Variants in FBXL3 observed in about 807,000 individuals in gnomAD.
The protein encoded by FBXL3 is F-box and leucine rich repeat protein 3, also known as F-box/LRR-repeat protein 3.
FBXL3 carries 14 observed loss-of-function variants against 37.9 expected under a neutral mutation model. The observed-to-expected ratio is 0.37, with a 90% CI of 0.24 to 0.58. The LOEUF (loss-of-function observed/expected upper bound fraction) is 0.58. Ranked by LOEUF, FBXL3 falls within the 20% of genes least tolerant of loss-of-function variation. FBXL3 has a pLI of 0.74. For missense variants in FBXL3, 327 were observed against 511.1 expected (o/e 0.64, Z 3.47); for synonymous variants, 194 against 180.1 (o/e 1.08, Z -0.62).
chr13:77,023,117 G>A (rs2154037888), intron 1 of FBXL3, among the ~76,000 whole-genome samples: 1 of 152,302 alleles, frequency 6.6e-6, no homozygotes, highest in Middle Eastern at 3.4e-3. Context: ...CCAGAAGGCA[G>A]AGAATGATTC....
At chr13:77,013,698 G>A (rs760175340) in intron 4 of FBXL3, 6 of 152,228 alleles carry the variant, frequency 3.9e-5, no homozygotes, top group Non-Finnish European at 7.3e-5. Flanking sequence ...CCAAATGCTC[G>A]GGAAGACTGA....
chr13:77,021,715 T>G lies in FBXL3; in HGVS notation c.146A>C (p.Lys49Thr), dbSNP rs770501959. ...LLQDIILQVF[K>T]YLPLLDRAHA... is the part of the protein sequence containing the mutation. ...AGCCCGGTCAAGAAGAGGCAAATAT[T>G]TAAATACTTGGAGAATAATGTCCTG... The change falls in exon 2 of 5, where the codon AAA becomes ACA. Residue 49 changes from lysine (K) to threonine (T), a missense_variant. By Grantham distance (78) the Lys-to-Thr change is moderately conservative. Coordinates refer to ENST00000355619, the MANE Select transcript of FBXL3 (RefSeq NM_012158.4). 1.2e-6 allele frequency: 2 copies of G among 1,613,994 alleles called. No homozygotes were observed. The highest frequency in any genetic ancestry group is 4.5e-5 in the East Asian group (2 of 44,880).
intron 1 of FBXL3, among the ~76,000 whole-genome samples, chr13:77,023,585 A>G (rs993742036): frequency 6.6e-6 from 1 of 152,200 alleles, no homozygotes; most frequent in African/African-American, 2.4e-5. Flanking sequence ...AGCAGGCTCT[A>G]AACTAAATGG....
chr13:77,018,855 T>C (rs1340702957), intron 2 of FBXL3, 133 bp from the exon 3 acceptor site: 2 of 680,508 alleles, frequency 2.9e-6, no homozygotes, highest in East Asian at 3.3e-5. Flanking sequence ...TATAGAAGTA[T>C]CATTACTAGT....
At chr13:77,010,718 C>G (rs2034536000) in intron 4 of FBXL3, 1 of 152,246 alleles carries the variant, frequency 6.6e-6, no homozygotes, top group African/African-American at 2.4e-5. Context: ...TCACAAGGAA[C>G]TAAATTCAGC....
intron 2 of FBXL3, chr13:77,019,247 G>A (rs1202830678): frequency 2.0e-5 from 3 of 152,110 alleles, no homozygotes; most frequent in African/African-American, 4.8e-5. Flanking sequence ...TAAAATGAGT[G>A]TACTGGACCA....
Position 77,007,133 on chromosome 13 carries a change from A to G in FBXL3, c.*12T>C, listed in dbSNP as rs775283266. 1 of 1,585,634 alleles carries G rather than the reference A, an allele frequency of 6.3e-7. No individual in the cohort carries two copies. The highest frequency in any genetic ancestry group is 8.6e-7 in the Non-Finnish European group (1 of 1,164,656). On this transcript the variant is annotated 3_prime_UTR_variant, in exon 5 of 5. Coordinates refer to ENST00000355619, the MANE Select transcript of FBXL3 (RefSeq NM_012158.4). ...TTTGCTTGAAATTAAGGTGCTATTC[A>G]TCATGCAGTTTTTACCAAGTGGGCA... is the stretch of plus-strand genomic sequence containing the variant.
chr13:77,015,579 G>T lies in FBXL3; in HGVS notation c.473C>A (p.Ser158Tyr). The change falls in exon 4 of 5, where the codon TCT becomes TAT. Residue 158 changes from serine to tyrosine, a missense_variant and splice_region_variant. Coordinates refer to ENST00000355619, the MANE Select transcript of FBXL3 (RefSeq NM_012158.4). ...ARPSFMDLPK[S>Y]HFISALTVVF... is the part of the protein sequence containing the mutation. ...AACTGTCAGTGCAGAGATAAAGTGA[G>T]ACTGAAAAGCAAAAAAAATAAAATA... The T allele has an allele frequency of 6.7e-7, 1 of 1,501,038 alleles. No homozygotes were observed. Among genetic ancestry groups the T allele is most frequent in the South Asian group, 1.4e-5 (1 of 71,776 alleles). 93.0% of individuals were successfully genotyped at this position (1,501,038 alleles called of 1,614,324 possible).
chr13:77,025,700 A>C (rs974474167), intron 1 of FBXL3, among the ~76,000 whole-genome samples: 29 of 151,000 alleles, frequency 1.9e-4, no homozygotes, highest in African/African-American at 6.9e-4. Context: ...AAAAAAAAAA[A>C]AAAAAAAAAA....
chr13:77,005,994 TAAC>T lies in FBXL3; in HGVS notation c.*1148_*1150del, dbSNP rs957357549. On this transcript the variant is annotated 3_prime_UTR_variant, in exon 5 of 5. Coordinates refer to ENST00000355619, the MANE Select transcript of FBXL3 (RefSeq NM_012158.4). ...ATATAAAATATCGGTTTAACCAAAT[TAAC>T]AATCACAAAACTGCAGACATTTTTC... 2 of 152,678 alleles carry T rather than the reference TAAC, an allele frequency of 1.3e-5. No individual in the cohort carries two copies. The highest frequency in any genetic ancestry group is 4.8e-5 in the African/African-American group (2 of 41,584). The allele number at this position is 152,678 out of a possible 1,614,324, so 9.5% of individuals were successfully genotyped here.
Position 77,018,647 on chromosome 13 carries a change from G to A in FBXL3, c.424C>T (p.Leu142Phe), listed in dbSNP as rs775314543. The A allele has an allele frequency of 6.3e-7, 1 of 1,597,580 alleles. No homozygotes were observed. Among genetic ancestry groups the A allele is most frequent in the African/African-American group, 1.3e-5 (1 of 74,362 alleles). Residue 142 changes from leucine to phenylalanine, a missense_variant, in exon 3 of 5, where the codon CTT (leucine) becomes TTT (phenylalanine). Transcript: ENST00000355619. ...GGTCGAGCAGTTGAAATAAGTCCAA[G>A]TGTTTTTAAAGAGCAATTCACAAGT... ...SQLVNCSLKT[L>F]GLISTARPSF...
At chr13:77,024,328 A>G (rs1223606490) in intron 1 of FBXL3, among the ~76,000 whole-genome samples, 3 of 152,190 alleles carry the variant, frequency 2.0e-5, no homozygotes, top group South Asian at 2.1e-4. Context: ...TCCAGAGCTT[A>G]TAATTTCTCT....
chr13:77,007,334 T>C lies in FBXL3; in HGVS notation c.1098A>G (p.Leu366=). Residue 366 remains leucine (L), a synonymous_variant, in exon 5 of 5, where the codon CTA becomes CTG. Coordinates refer to ENST00000355619, the MANE Select transcript of FBXL3 (RefSeq NM_012158.4). ...CACTACATGAGACTTCACATTCCCC[T>C]AGTCCAATAGCTGACAAATTTTTGC... ...ERCKNLSAIG[L]GECEVSCSAF... 6.2e-7 allele frequency: 1 copy of C among 1,614,186 alleles called. No individual in the cohort carries two copies. Among genetic ancestry groups the C allele is most frequent in the Non-Finnish European group, 8.5e-7 (1 of 1,180,034 alleles).
chr13:77,018,822 T>C (rs965288105), intron 2 of FBXL3, 100 bp from the exon 3 acceptor site: 5 of 994,766 alleles, frequency 5.0e-6, no homozygotes, highest in African/African-American at 3.3e-5. Flanking sequence ...TATATTTATA[T>C]TTCTCTGTAC....
intron 4 of FBXL3, among the ~76,000 whole-genome samples, chr13:77,011,204 G>T (rs1292223293): frequency 6.6e-6 from 1 of 151,936 alleles, no homozygotes; most frequent in African/African-American, 2.4e-5. Context: ...GCCGGATGTG[G>T]TGGCGGGCAC....
intron 1 of FBXL3, among the ~76,000 whole-genome samples, chr13:77,024,331 A>G (rs1446050587): frequency 6.6e-6 from 1 of 152,140 alleles, no homozygotes; most frequent in East Asian, 1.9e-4. Flanking sequence ...AGAGCTTATA[A>G]TTTCTCTTCT....
rs755316077 is a variant in FBXL3, at chr13:77,018,581, A to G, written c.471+19T>C. ...CTGAATTTCTCAGTAATAGATAATA[A>G]AACAAAAACAGCAGATACCTTTGGT... On this transcript the variant is annotated intron_variant, in intron 3 of 4. Transcript: ENST00000355619. 1.3e-6 allele frequency: 2 copies of G among 1,550,984 alleles called. No homozygotes were observed. Among genetic ancestry groups the G allele is most frequent in the African/African-American group, 1.4e-5 (1 of 72,148 alleles).
intron 1 of FBXL3, chr13:77,026,282 G>A (rs967979882): frequency 1.0e-6 from 1 of 985,322 alleles, no homozygotes; most frequent in East Asian, 1.1e-4. Context: ...CTCAACACAA[G>A]TTGACCAAGT....
intron 3 of FBXL3, chr13:77,016,230 CAT>C (rs1332579002): frequency 1.3e-5 from 2 of 152,078 alleles, no homozygotes; most frequent in Non-Finnish European, 2.9e-5. Flanking sequence ...TATGTATGTA[CAT>C]ATGTGTATAT....
Sources: allele counts gnomAD v4.1 joint callset (sites outside exome capture counted in the v4.1 genomes callset), GRCh38; gene constraint gnomAD v4.1.1; transcripts MANE v1.5; gene names NCBI Gene and HGNC (gene_info 2026-07-23, HGNC 2026-07-21).